ADGRB2: variants seen among roughly 807,000 people sequenced by gnomAD.
ADGRB2 encodes adhesion G protein-coupled receptor B2, also known as brain-specific angiogenesis inhibitor 2.
ADGRB2 carries 47 observed loss-of-function variants against 178.7 expected under a neutral mutation model. The observed-to-expected ratio is 0.26, with a 90% CI of 0.21 to 0.34. The LOEUF (loss-of-function observed/expected upper bound fraction) is 0.34. Ranked by LOEUF, ADGRB2 falls within the 10% of genes least tolerant of loss-of-function variation. The pLI is 1.00. For synonymous variants in ADGRB2, 870 were observed against 912.4 expected (o/e 0.95, Z 0.84); for missense variants, 1,584 against 2,180.8 (o/e 0.73, Z 5.45).
rs568304644 is a variant in ADGRB2 at position 31,758,785 on chromosome 1, C to G, written c.-190-1274G>C. On this transcript the variant is annotated intron_variant, in intron 1 of 32. Transcript: ENST00000373658. This position sits in a 1 kb window ranked among gnomAD's most constrained non-coding sequence, Gnocchi z 4.2. ...AGCCAGACAGGCTGTGCCTCTCCCCCCAACCACCCACCCTCCTCCTCAGAG... is the reference window on the plus strand; with the variant it reads ...AGCCAGACAGGCTGTGCCTCTCCCCGCAACCACCCACCCTCCTCCTCAGAG... 321 of 161,516 alleles carry G rather than the reference C, an allele frequency of 2.0e-3. 1 individual carries two copies. Among genetic ancestry groups the G allele is most frequent in the South Asian group, 4.3e-3 (24 of 5,562 alleles). 10.0% of individuals were successfully genotyped at this position (161,516 alleles called of 1,614,324 possible). A position where few individuals can be genotyped will look rare whatever the true frequency, so the allele number is the denominator to read the frequency against.
intron 1 of ADGRB2, 59 bp from the exon 2 acceptor site, chr1:31,757,570 C>A: frequency 3.6e-6 from 1 of 278,972 alleles, no homozygotes; most frequent in Non-Finnish European, 6.7e-6. Flanking sequence ...GAGCCCCAAC[C>A]CAGCCAGCCA....
Position 31,753,097 on chromosome 1 carries a change from C to T in ADGRB2, c.838+2902G>A, listed in dbSNP as rs1026313020. Among the ~76,000 whole-genome samples, 2 of 152,184 alleles carry T rather than the reference C, an allele frequency of 1.3e-5. No homozygotes were observed. Among genetic ancestry groups the T allele is most frequent in the African/African-American group, 2.4e-5 (1 of 41,440 alleles). ...CAGTGCCTCCTCAGGATTAGAGGGTCAGTGGGCAGGAACTGCAGGCTGGCA... is the reference window on the plus strand; with the variant it reads ...CAGTGCCTCCTCAGGATTAGAGGGTTAGTGGGCAGGAACTGCAGGCTGGCA... On this transcript the variant is annotated intron_variant, in intron 4 of 32. Transcript: ENST00000373658. The surrounding 1 kb of genome is among the most constrained non-coding windows in gnomAD (Gnocchi z 4.1).
At chr1:31,763,647 A>AGG (rs1201097956) in intron 1 of ADGRB2, among the ~76,000 whole-genome samples, 1 of 23,886 alleles carries the variant, frequency 4.2e-5, no homozygotes, top group African/African-American at 1.4e-4. Context: ...AGGCTGGGGG[A>AGG]GGGGGGGGGC....
rs914368645 is a variant in ADGRB2 at position 31,733,730 on chromosome 1, A to G, written c.3453-587T>C. ...CACACAGAGAAGACGCCAGGCTCCC[A>G]CGGACTGCTCAGAGCCTTGGGCAGA... On this transcript the variant is annotated intron_variant, in intron 25 of 32. Coordinates refer to ENST00000373658, the MANE Select transcript of ADGRB2 (RefSeq NM_001364857.2). This position sits in a 1 kb window ranked among gnomAD's most constrained non-coding sequence, Gnocchi z 4.3. Among the ~76,000 whole-genome samples, 7 of 152,098 alleles carry G rather than the reference A, an allele frequency of 4.6e-5. No individual in the cohort carries two copies. The highest frequency in any genetic ancestry group is 1.7e-4 in the African/African-American group (7 of 41,400).
In ADGRB2 at chr1:31,736,686, A is replaced by G. The variant is rs1645624070; in HGVS notation, c.3017T>C (p.Phe1006Ser). 6.2e-7 allele frequency: 1 copy of G among 1,614,088 alleles called. No homozygotes were observed. Among genetic ancestry groups the G allele is most frequent in the Non-Finnish European group, 8.5e-7 (1 of 1,179,964 alleles). ...CACCCAGCAAAAGGAGGAGAGAAAG[A>G]AGAAGTGCAGGAAGGCAGCCGTCAT... ...CTMTAAFLHF[F>S]FLSSFCWVLT... Residue 1006 changes from phenylalanine to serine, a missense_variant, in exon 21 of 33, where the codon TTC becomes TCC. Coordinates refer to ENST00000373658, the MANE Select transcript of ADGRB2 (RefSeq NM_001364857.2).
intron 21 of ADGRB2, 23 bp from the exon 22 acceptor site, chr1:31,736,413 G>A (rs1420039228): frequency 1.9e-6 from 3 of 1,613,384 alleles, no homozygotes; most frequent in East Asian, 2.2e-5. Context: ...GGGTGCCAGA[G>A]TGAGATGGTT....
intron 18 of ADGRB2, among the ~76,000 whole-genome samples, chr1:31,737,956 C>T (rs900994618): frequency 6.6e-6 from 1 of 152,196 alleles, no homozygotes; most frequent in Admixed American, 6.5e-5. Flanking sequence ...CACTCTTCTA[C>T]ACACAACCAG....
rs754450361 is a variant in ADGRB2, at chr1:31,742,290, G to T, written c.1253-73C>A. 3.3e-4 allele frequency: 503 copies of T among 1,522,244 alleles called. 4 individuals carry two copies. The highest frequency in any genetic ancestry group is 5.3e-5 in the Non-Finnish European group (60 of 1,131,674). The allele number at this position is 1,522,244 out of a possible 1,614,324, so 94.3% of individuals were successfully genotyped here. A position where few individuals can be genotyped will look rare whatever the true frequency, so the allele number is the denominator to read the frequency against. Reference sequence around the variant, plus strand: ...AGGGCTGGTGGTGTGGAGAACCACAGGAAGACCCAGAGCCTGCTAGGCATT... The same window carrying T: ...AGGGCTGGTGGTGTGGAGAACCACATGAAGACCCAGAGCCTGCTAGGCATT... On this transcript the variant is annotated intron_variant, in intron 7 of 32. Transcript: ENST00000373658.
chr1:31,749,681 G>T (rs2149014176), intron 4 of ADGRB2, among the ~76,000 whole-genome samples: 1 of 152,362 alleles, frequency 6.6e-6, no homozygotes, highest in South Asian at 2.1e-4. Context: ...GGAAGCCGAG[G>T]AGGGCGGATC....
At chr1:31,731,975 G>A (rs536257314) in intron 28 of ADGRB2, 140 bp downstream of exon 28, 1 of 1,080,518 alleles carries the variant, frequency 9.3e-7, no homozygotes, top group African/African-American at 1.6e-5. Flanking sequence ...TCGCAGCCTT[G>A]CGTCCAGCTC....
In ADGRB2 at chr1:31,735,977, T is replaced by C; in HGVS notation, c.3201-84A>G. The C allele has an allele frequency of 7.2e-7, 1 of 1,384,556 alleles. No homozygotes were observed. The highest frequency in any genetic ancestry group is 9.8e-7 in the Non-Finnish European group (1 of 1,017,876). 85.8% of individuals were successfully genotyped at this position (1,384,556 alleles called of 1,614,324 possible). A position where few individuals can be genotyped will look rare whatever the true frequency, so the allele number is the denominator to read the frequency against. On this transcript the variant is annotated intron_variant, in intron 22 of 32. Coordinates refer to ENST00000373658, the MANE Select transcript of ADGRB2 (RefSeq NM_001364857.2). This position sits in a 1 kb window ranked among gnomAD's most constrained non-coding sequence, Gnocchi z 6.0. ...ACACCATCCCTCAGTCCTCCCAGGC[T>C]GCCATGCCCGCATCACCAGTGCAGT...
At chr1:31,737,805 G>A in intron 18 of ADGRB2, 50 bp from the exon 19 acceptor site, 1 of 1,531,912 alleles carries the variant, frequency 6.5e-7, no homozygotes, top group Non-Finnish European at 9.0e-7. Context: ...GGGGGGAGCT[G>A]CAGGGGTGCC....
chr1:31,746,022 G>A (rs1171147563), intron 4 of ADGRB2, among the ~76,000 whole-genome samples: 1 of 152,154 alleles, frequency 6.6e-6, no homozygotes, highest in Non-Finnish European at 1.5e-5. Context: ...TCTGAAACCT[G>A]GACTCCCAGA....
In ADGRB2 at chr1:31,728,492, G is replaced by A. The variant is rs1645112625; in HGVS notation, c.4416+106C>T. On this transcript the variant is annotated intron_variant, in intron 30 of 32. Coordinates refer to ENST00000373658, the MANE Select transcript of ADGRB2 (RefSeq NM_001364857.2). This position sits in a 1 kb window ranked among gnomAD's most constrained non-coding sequence, Gnocchi z 6.7. The stretch of plus-strand genomic sequence containing the variant: ...ACGGAACCCCCGGGCTTGGGCTCCT[G>A]GGGTCAGGCTCTGCAACAGAGCTTG... 2 of 1,550,342 alleles carry A rather than the reference G, an allele frequency of 1.3e-6. No individual in the cohort carries two copies. The highest frequency in any genetic ancestry group is 1.8e-6 in the Non-Finnish European group (2 of 1,123,130).
At position 31,741,327 on chromosome 1, in the gene ADGRB2, T is replaced by C. The variant is rs1444360731; in HGVS notation, c.1794+46A>G. ...ACGCTCCCTCCACCCCCTAGCAGAG[T>C]CTGAGACAGATTCTGCTGTGCCCCA... On this transcript the variant is annotated intron_variant, in intron 11 of 32. Coordinates refer to ENST00000373658, the MANE Select transcript of ADGRB2 (RefSeq NM_001364857.2). This position sits in a 1 kb window ranked among gnomAD's most constrained non-coding sequence, Gnocchi z 6.5. 1 of 1,541,822 alleles carries C rather than the reference T, an allele frequency of 6.5e-7. No homozygotes were observed. The highest frequency in any genetic ancestry group is 1.9e-5 in the Admixed American group (1 of 51,868).
intron 1 of ADGRB2, among the ~76,000 whole-genome samples, chr1:31,763,095 T>C (rs568009911): frequency 1.3e-5 from 2 of 149,494 alleles, no homozygotes; most frequent in South Asian, 4.3e-4. Flanking sequence ...TGACCAGGGG[T>C]GGGAGGATAG....
chr1:31,763,296 T>C (rs1223766276), intron 1 of ADGRB2, among the ~76,000 whole-genome samples: 1 of 133,644 alleles, frequency 7.5e-6, no homozygotes, highest in Non-Finnish European at 1.6e-5. Flanking sequence ...GTCAGATAGA[T>C]ATGGGGGAGG....
intron 29 of ADGRB2, among the ~76,000 whole-genome samples, chr1:31,729,995 T>C (rs1204180159): frequency 6.6e-5 from 10 of 152,258 alleles, no homozygotes; most frequent in Admixed American, 6.5e-4. Flanking sequence ...AGTGGGTTTC[T>C]GAGGCCGAGC....
In ADGRB2 at chr1:31,752,080, G is replaced by A. The variant is rs1292602560; in HGVS notation, c.838+3919C>T. 3.3e-5 allele frequency among the ~76,000 whole-genome samples: 5 copies of A among 152,140 alleles called. No homozygotes were observed. In the East Asian group the frequency reaches 9.6e-4, roughly 29 times the overall value. Reference sequence around the variant, plus strand: ...AGTGGTAAGGTCCAAAACTGAACCCGGACTGGGCGACTTCAGTCTGTGGCC... The same window carrying A: ...AGTGGTAAGGTCCAAAACTGAACCCAGACTGGGCGACTTCAGTCTGTGGCC... On this transcript the variant is annotated intron_variant, in intron 4 of 32. Transcript: ENST00000373658.
Sources: gnomAD v4.1 joint callset for allele counts (sites outside exome capture counted in the v4.1 genomes callset) on GRCh38, gnomAD v4.1.1 for gene constraint, Gnocchi (gnomAD v3.1) non-coding constraint, MANE v1.5 for transcripts, NCBI Gene and HGNC (gene_info 2026-07-23, HGNC 2026-07-21) for gene names.